The following PCDHA4 variants were observed in gnomAD, a reference collection of about 807,000 sequenced individuals.
PCDHA4 encodes the protein protocadherin alpha 4.
In PCDHA4, 49 loss-of-function variants were observed where a neutral mutation model predicts 61.4. That is an observed-to-expected ratio of 0.80 (90% CI 0.63 to 1.01). PCDHA4 has a LOEUF of 1.01. Among genes scored for constraint, PCDHA4 ranks in the 50% least tolerant of loss-of-function variants. The pLI is 0.00. For missense variants in PCDHA4, 1,254 were observed against 1,235.8 expected, an observed-to-expected ratio of 1.01 and a Z score of -0.22; for synonymous variants, 590 against 550.3, an observed-to-expected ratio of 1.07 and a Z score of -1.01.
intron 2 of PCDHA4, among the ~76,000 whole-genome samples, chr5:140,981,925 T>C (rs2096957903): frequency 1.3e-5 from 2 of 152,160 alleles, no homozygotes; most frequent in South Asian, 2.1e-4. Flanking sequence ...CAAGTTTCTC[T>C]AGTCTCAGGA....
At chr5:140,983,392 C>T (rs1190599444) in intron 3 of PCDHA4, among the ~76,000 whole-genome samples, 2 of 152,150 alleles carry the variant, frequency 1.3e-5, no homozygotes, top group African/African-American at 2.4e-5. Context: ...TGGCAGTTTT[C>T]AGAAAGGGAA....
chr5:140,834,220 A>T (rs4151685), intron 1 of PCDHA4: 3 of 685,996 alleles, frequency 4.4e-6, no homozygotes, highest in Non-Finnish European at 7.2e-6. Context: ...CGTAATCAGC[A>T]AAAGGAAGTC....
chr5:140,809,620 A>C (rs1554125322), intron 1 of PCDHA4, 48 bp downstream of exon 1: 1 of 1,511,684 alleles, frequency 6.6e-7, no homozygotes. Context: ...GTTTTTCTCT[A>C]TCAACTTCTT....
intron 1 of PCDHA4, among the ~76,000 whole-genome samples, chr5:140,840,661 C>T (rs1401967763): frequency 6.6e-6 from 1 of 151,916 alleles, no homozygotes; most frequent in East Asian, 1.9e-4. Flanking sequence ...AGAATATGCA[C>T]ATACATTTTT....
chr5:140,982,779 G>A (rs1228586175), intron 3 of PCDHA4, among the ~76,000 whole-genome samples: 2 of 151,918 alleles, frequency 1.3e-5, no homozygotes, highest in African/African-American at 2.4e-5. Context: ...GAAAGTGTGT[G>A]TGCACGCATG....
At chr5:140,922,888 C>A (rs1584282377) in intron 1 of PCDHA4, among the ~76,000 whole-genome samples, 1 of 152,236 alleles carries the variant, frequency 6.6e-6, no homozygotes, top group South Asian at 2.1e-4. Flanking sequence ...AGACATCATT[C>A]AAGAAAAAAT....
chr5:140,928,798 G>A lies in PCDHA4; in HGVS notation c.2386-50151G>A, dbSNP rs1015507486. On this transcript the variant is annotated intron_variant, in intron 1 of 3. Transcript: ENST00000530339. ...TGATGCAGTTAAGCAGAGGGTGGTGGTAGTGGTTCGGGACCATGGAGACCC... is the reference window on the plus strand; with the variant it reads ...TGATGCAGTTAAGCAGAGGGTGGTGATAGTGGTTCGGGACCATGGAGACCC... 2.4e-5 allele frequency: 38 copies of A among 1,614,046 alleles called. No homozygotes were observed. Among genetic ancestry groups the A allele is most frequent in the Non-Finnish European group, 3.2e-5 (38 of 1,180,052 alleles).
intron 1 of PCDHA4, among the ~76,000 whole-genome samples, chr5:140,904,496 A>G (rs1174844806): frequency 1.3e-5 from 2 of 151,832 alleles, no homozygotes; most frequent in Non-Finnish European, 2.9e-5. Context: ...CCAAATTTTT[A>G]CAATTGTGAA....
intron 1 of PCDHA4, among the ~76,000 whole-genome samples, chr5:140,919,522 CT>C (rs1554199133): frequency 1.3e-5 from 2 of 152,000 alleles, no homozygotes; most frequent in Non-Finnish European, 2.9e-5. Flanking sequence ...TTTTAATTCT[CT>C]TTTTTTCCTA....
rs369858637 is a variant in PCDHA4, at chr5:140,808,676, C to T, written c.1489C>T (p.Arg497Trp). 3 of 1,612,726 alleles carry T rather than the reference C, an allele frequency of 1.9e-6. No individual in the cohort carries two copies. The highest frequency in any genetic ancestry group is 2.5e-6 in the Non-Finnish European group (3 of 1,179,846). ...GCTGGTGTCCTACTCGCTGGTAGAGCGGCGGGTAGGGGAGCGCGCGCTGTC... is the reference window on the plus strand; with the variant it reads ...GCTGGTGTCCTACTCGCTGGTAGAGTGGCGGGTAGGGGAGCGCGCGCTGTC... ...NALVSYSLVE[R>W]RVGERALSSY... Residue 497 changes from arginine (R) to tryptophan (W), a missense_variant, in exon 1 of 4, where the codon CGG (arginine) becomes TGG (tryptophan). Arg to Trp is a moderately radical substitution (Grantham distance 101). Coordinates refer to ENST00000530339, the MANE Select transcript of PCDHA4 (RefSeq NM_018907.4).
chr5:140,956,597 C>T (rs1015881961), intron 1 of PCDHA4, among the ~76,000 whole-genome samples: 1 of 152,054 alleles, frequency 6.6e-6, no homozygotes, highest in African/African-American at 2.4e-5. Flanking sequence ...TCAGGGATAT[C>T]AGCTGGAAGT....
intron 3 of PCDHA4, among the ~76,000 whole-genome samples, chr5:140,990,016 G>A (rs1211656433): frequency 6.6e-6 from 1 of 152,138 alleles, no homozygotes; most frequent in East Asian, 1.9e-4. Flanking sequence ...GCGTGGGCTA[G>A]GCAAAGGATG....
At chr5:140,821,766 C>A in intron 1 of PCDHA4, 3 of 1,592,410 alleles carry the variant, frequency 1.9e-6, no homozygotes, top group Non-Finnish European at 1.7e-6. Flanking sequence ...ATAATTGGAA[C>A]GAGATTGAGA....
chr5:140,843,521 G>A (rs1168797267), intron 1 of PCDHA4: 1 of 1,595,866 alleles, frequency 6.3e-7, no homozygotes, highest in Non-Finnish European at 8.6e-7. Context: ...CGGGTGCCGG[G>A]CGGGCAAGCC....
chr5:140,971,771 T>C (rs1433692038), intron 1 of PCDHA4, among the ~76,000 whole-genome samples: 1 of 152,192 alleles, frequency 6.6e-6, no homozygotes, highest in Non-Finnish European at 1.5e-5. Context: ...TCTTGAATAT[T>C]ATTCAAGATT....
chr5:140,840,466 GA>G (rs1437406767), intron 1 of PCDHA4, among the ~76,000 whole-genome samples: 3 of 151,870 alleles, frequency 2.0e-5, no homozygotes, highest in Non-Finnish European at 2.9e-5. Context: ...AAAAGTTGGG[GA>G]AAAAAGTTTA....
At chr5:141,006,130 TAGAAAGCTTAAGC>T (rs2098257447) in intron 3 of PCDHA4, among the ~76,000 whole-genome samples, 1 of 150,362 alleles carries the variant, frequency 6.7e-6, no homozygotes. Context: ...CTCAAGGCAG[TAGAAAGCTTAAGC>T]AGAGGAGTGA....
intron 1 of PCDHA4, chr5:140,863,128 C>G (rs555226712): frequency 3.3e-6 from 2 of 598,142 alleles, no homozygotes; most frequent in East Asian, 8.9e-5. Context: ...TACGCGCCAC[C>G]GCCTGCTGGT....
rs1554262759 is a variant in PCDHA4 at position 141,010,215 on chromosome 5, G to A, written c.*278G>A. ...CCTTTCTCCTCCGCCGCAAAGGAGA[G>A]GCTTCCCAGCCCCGCCAGTGAGAGG... On this transcript the variant is annotated 3_prime_UTR_variant, in exon 4 of 4. Transcript: ENST00000530339. The A allele has an allele frequency of 6.4e-7, 1 of 1,551,774 alleles. No homozygotes were observed. Among genetic ancestry groups the A allele is most frequent in the East Asian group, 2.4e-5 (1 of 40,918 alleles).
Sources: gnomAD v4.1 joint callset for allele counts (sites outside exome capture counted in the v4.1 genomes callset) on GRCh38, gnomAD v4.1.1 for gene constraint, MANE v1.5 for transcripts, NCBI Gene and HGNC (gene_info 2026-07-23, HGNC 2026-07-21) for gene names.